Variants in SDHAF3 observed in about 807,000 individuals in gnomAD.
SDHAF3 encodes the protein succinate dehydrogenase assembly factor 3, mitochondrial.
Under a neutral mutation model 11.5 loss-of-function variants are expected in SDHAF3, and 18 were observed. The ratio of observed to expected loss-of-function variants is 1.56; its 90% CI spans 1.08 to 2.32. SDHAF3 has a LOEUF of 2.32. Among genes scored for constraint, SDHAF3 ranks in the 30% most tolerant of loss-of-function variants. The pLI is 0.00. For synonymous variants in SDHAF3, 72 were observed against 59.3 expected, an observed-to-expected ratio of 1.21 and a Z score of -0.99; for missense variants, 200 against 154.4, an observed-to-expected ratio of 1.30 and a Z score of -1.57.
intron 1 of SDHAF3, among the ~76,000 whole-genome samples, chr7:97,163,951 CTTTTT>C (rs57540189): frequency 7.3e-6 from 1 of 137,596 alleles, no homozygotes; most frequent in Non-Finnish European, 1.6e-5. Context: ...GTTGAAAATT[CTTTTT>C]TTTTTTTTTT....
intron 1 of SDHAF3, among the ~76,000 whole-genome samples, chr7:97,119,682 T>G (rs1450645258): frequency 6.6e-6 from 1 of 152,200 alleles, no homozygotes; most frequent in Non-Finnish European, 1.5e-5. Context: ...CCAATGGGGA[T>G]TCTACAATGC....
intron 1 of SDHAF3, among the ~76,000 whole-genome samples, chr7:97,150,771 C>T (rs776303448): frequency 6.6e-6 from 1 of 151,810 alleles, no homozygotes; most frequent in Non-Finnish European, 1.5e-5. Flanking sequence ...CACTTGTTAG[C>T]CAGGATAGTC....
intron 1 of SDHAF3, among the ~76,000 whole-genome samples, chr7:97,157,673 T>C (rs545392077): frequency 7.9e-5 from 12 of 152,226 alleles, no homozygotes; most frequent in Non-Finnish European, 1.6e-4. Context: ...CATACGTATG[T>C]TTATTGTGGC....
intron 1 of SDHAF3, among the ~76,000 whole-genome samples, chr7:97,140,593 T>C (rs1477067119): frequency 6.6e-6 from 1 of 152,110 alleles, no homozygotes; most frequent in Non-Finnish European, 1.5e-5. Context: ...CCCAAATTAA[T>C]ACTTTTATAA....
At chr7:97,149,648 T>G (rs1210739010) in intron 1 of SDHAF3, among the ~76,000 whole-genome samples, 1 of 152,230 alleles carries the variant, frequency 6.6e-6, no homozygotes, top group East Asian at 1.9e-4. Context: ...AATTTAAAAA[T>G]ATTGCTGAAA....
chr7:97,168,120 A>AC (rs1789542368), intron 1 of SDHAF3, among the ~76,000 whole-genome samples: 2 of 151,492 alleles, frequency 1.3e-5, no homozygotes, highest in African/African-American at 2.4e-5. Context: ...TGCTGGCGGG[A>AC]CCCCCTCTTT....
At chr7:97,158,677 G>A (rs1318260685) in intron 1 of SDHAF3, among the ~76,000 whole-genome samples, 1 of 152,086 alleles carries the variant, frequency 6.6e-6, no homozygotes, top group Non-Finnish European at 1.5e-5. Flanking sequence ...CATGACCAGT[G>A]TCATTGGAAA....
chr7:97,147,948 C>T (rs1038565905), intron 1 of SDHAF3, among the ~76,000 whole-genome samples: 13 of 151,848 alleles, frequency 8.6e-5, no homozygotes, highest in African/African-American at 2.2e-4. Context: ...AGAGTCTTGC[C>T]GTGTCTCCCA....
intron 1 of SDHAF3, among the ~76,000 whole-genome samples, chr7:97,138,179 T>A (rs1439569609): frequency 6.7e-6 from 1 of 148,250 alleles, no homozygotes; most frequent in African/African-American, 2.5e-5. Context: ...TTTTTTTTTT[T>A]TCTTGACAGA....
rs946149746 is a variant in SDHAF3, at chr7:97,152,832, T to C, written c.175-28180T>C. Among the ~76,000 whole-genome samples the C allele has an allele frequency of 5.3e-5, 8 of 152,198 alleles. 1 individual carries two copies. In the South Asian group the frequency reaches 1.7e-3, roughly 32 times the overall value. On this transcript the variant is annotated intron_variant, in intron 1 of 1. Coordinates refer to ENST00000432641, the MANE Select transcript of SDHAF3 (RefSeq NM_020186.3). ...GCCCAGCAAATTTTTGTAGGCGTGG[T>C]GGTTTAGTAGAGACAGGGTTTTGCC...
At chr7:97,156,007 CT>C (rs1789295912) in intron 1 of SDHAF3, among the ~76,000 whole-genome samples, 1 of 152,082 alleles carries the variant, frequency 6.6e-6, no homozygotes, top group South Asian at 2.1e-4. Flanking sequence ...TGTGTCATAA[CT>C]AATGAACTAA....
At chr7:97,150,297 G>T (rs1328223926) in intron 1 of SDHAF3, among the ~76,000 whole-genome samples, 1 of 152,180 alleles carries the variant, frequency 6.6e-6, no homozygotes, top group Non-Finnish European at 1.5e-5. Context: ...CATCTAGAAT[G>T]GTGAATCCTT....
intron 1 of SDHAF3, among the ~76,000 whole-genome samples, chr7:97,152,040 A>C (rs933408475): frequency 1.3e-5 from 2 of 152,120 alleles, no homozygotes; most frequent in Non-Finnish European, 2.9e-5. Context: ...ACTTTCTGTG[A>C]GTTTAGACAA....
At chr7:97,179,935 C>A (rs1789745437) in intron 1 of SDHAF3, among the ~76,000 whole-genome samples, 1 of 152,200 alleles carries the variant, frequency 6.6e-6, no homozygotes, top group Non-Finnish European at 1.5e-5. Context: ...ATTTATATAT[C>A]TCAAGCCAGA....
chr7:97,160,970 G>A (rs936553952), intron 1 of SDHAF3, among the ~76,000 whole-genome samples: 13 of 150,924 alleles, frequency 8.6e-5, no homozygotes, highest in South Asian at 8.4e-4. Context: ...CCCACTTAAC[G>A]ATGGTTGGAC....
At chr7:97,132,252 C>T (rs2115639541) in intron 1 of SDHAF3, among the ~76,000 whole-genome samples, 1 of 152,250 alleles carries the variant, frequency 6.6e-6, no homozygotes, top group African/African-American at 2.4e-5. Flanking sequence ...TTTGTAGGTT[C>T]AACTCAGACT....
intron 1 of SDHAF3, among the ~76,000 whole-genome samples, chr7:97,167,351 T>C (rs745323208): frequency 1.3e-5 from 2 of 152,238 alleles, no homozygotes; most frequent in Non-Finnish European, 2.9e-5. Flanking sequence ...GATTGTACAT[T>C]TCCTGAGGCC....
At chr7:97,155,388 CCTTGTTT>C (rs1194297838) in intron 1 of SDHAF3, among the ~76,000 whole-genome samples, 38 of 152,222 alleles carry the variant, frequency 2.5e-4, no homozygotes, top group Admixed American at 1.0e-3. Flanking sequence ...GCATACTGGT[CCTTGTTT>C]CTTGAACACC....
chr7:97,144,733 A>T (rs1789109586), intron 1 of SDHAF3, among the ~76,000 whole-genome samples: 1 of 152,046 alleles, frequency 6.6e-6, no homozygotes, highest in South Asian at 2.1e-4. Context: ...GTTTGAAATC[A>T]TAGTGTGATG....
Sources: gnomAD v4.1 joint callset for allele counts (sites outside exome capture counted in the v4.1 genomes callset) on GRCh38, gnomAD v4.1.1 for gene constraint, MANE v1.5 for transcripts, NCBI Gene and HGNC (gene_info 2026-07-23, HGNC 2026-07-21) for gene names.